The following PXK variants were observed in gnomAD, a reference collection of about 807,000 sequenced individuals.
The protein encoded by PXK is PX domain containing serine/threonine kinase like, also known as PX domain-containing protein kinase-like protein.
Under a neutral mutation model 84.7 loss-of-function variants are expected in PXK, and 35 were observed. That is an observed-to-expected ratio of 0.41 (90% CI 0.32 to 0.55). The LOEUF is 0.55. Ranked by LOEUF, PXK falls within the 20% of genes least tolerant of loss-of-function variation. The pLI, the probability that PXK is intolerant of heterozygous loss-of-function variation, is 0.21. For synonymous variants in PXK, 253 were observed against 260.8 expected (o/e 0.97, Z 0.29); for missense variants, 634 against 699.7 (o/e 0.91, Z 1.06).
intron 17 of PXK, among the ~76,000 whole-genome samples, chr3:58,418,349 T>G (rs1201390046): frequency 6.6e-6 from 1 of 152,152 alleles, no homozygotes; most frequent in Non-Finnish European, 1.5e-5. Context: ...GACACTCTAG[T>G]AGGATTAAGA....
At chr3:58,338,002 T>C (rs1390865303) in intron 1 of PXK, among the ~76,000 whole-genome samples, 3 of 152,238 alleles carry the variant, frequency 2.0e-5, no homozygotes, top group Non-Finnish European at 2.9e-5. Flanking sequence ...CCTTTTAGAA[T>C]GCTACTTGGA....
At position 58,424,947 on chromosome 3, in the gene PXK, C is replaced by T. The variant is rs150517592; in HGVS notation, c.1724C>T (p.Pro575Leu). 7.8e-5 allele frequency: 126 copies of T among 1,613,898 alleles called. No homozygotes were observed. Among genetic ancestry groups the T allele is most frequent in the East Asian group, 6.7e-5 (3 of 44,896 alleles). Residue 575 changes from proline (P) to leucine (L), a missense_variant, in exon 18 of 18, where the codon CCG becomes CTG. By Grantham distance (98) the Pro-to-Leu change is moderately conservative (BLOSUM62 -3). This residue lies in a region of PXK where 273 missense variants were observed against 283.6 expected (regional missense o/e 0.96). Coordinates refer to ENST00000356151, the MANE Select transcript of PXK (RefSeq NM_017771.5). ...RKAKTCDHSAPKIG is the reference protein window; with the variant it reads ...RKAKTCDHSALKIG ...GCCAAAACCTGTGATCACAGTGCTC[C>T]GAAGATCGGCTGAAGCTTCCTGTTT...
At chr3:58,359,593 AT>A (rs1027434920) in intron 1 of PXK, among the ~76,000 whole-genome samples, 7 of 151,986 alleles carry the variant, frequency 4.6e-5, no homozygotes, top group African/African-American at 1.7e-4. Context: ...GCGCAAAGTG[AT>A]TTTTGTGATT....
intron 17 of PXK, chr3:58,420,507 C>A: frequency 6.5e-7 from 1 of 1,535,658 alleles, no homozygotes. Flanking sequence ...TGTGTCCCCC[C>A]TTTCTCTCTC....
Position 58,402,440 on chromosome 3 carries a change from T to C in PXK, c.1182-1422T>C, listed in dbSNP as rs368991820. Among the ~76,000 whole-genome samples, 521 of 151,618 alleles carry C rather than the reference T, an allele frequency of 3.4e-3. 1 individual carries two copies. The highest frequency in any genetic ancestry group is 3.8e-3 in the African/African-American group (159 of 41,400). ...TTGTTTTTTTCTTTTCTTTTCTTTTTTTTTTTTTAGATAGAGTCTTGCTCT... is the reference window on the plus strand; with the variant it reads ...TTGTTTTTTTCTTTTCTTTTCTTTTCTTTTTTTTAGATAGAGTCTTGCTCT... On this transcript the variant is annotated intron_variant, in intron 12 of 17. Transcript: ENST00000356151.
chr3:58,345,571 T>C (rs899567258), intron 1 of PXK, among the ~76,000 whole-genome samples: 1 of 152,218 alleles, frequency 6.6e-6, no homozygotes, highest in African/African-American at 2.4e-5. Context: ...TGCTTGAGCC[T>C]ACATTTAGTC....
At chr3:58,360,324 A>G (rs2098161585) in intron 1 of PXK, among the ~76,000 whole-genome samples, 1 of 152,222 alleles carries the variant, frequency 6.6e-6, no homozygotes, top group Admixed American at 6.5e-5. Context: ...GTCTTTGCCA[A>G]ATAAACAGCA....
intron 13 of PXK, among the ~76,000 whole-genome samples, chr3:58,404,975 C>G (rs9311674): frequency 0.74 from 111,927 of 152,068 alleles, 41,714 homozygotes; most frequent in South Asian, 0.81. Context: ...AGCATCTTAG[C>G]AAATTTCTTC....
At chr3:58,391,252 G>T in intron 6 of PXK, 32 bp downstream of exon 6, 3 of 1,569,390 alleles carry the variant, frequency 1.9e-6, no homozygotes, top group Non-Finnish European at 2.6e-6. Flanking sequence ...GTCTCCTTCA[G>T]TGACTTTAGA....
At chr3:58,350,166 T>C (rs2097896206) in intron 1 of PXK, among the ~76,000 whole-genome samples, 1 of 152,194 alleles carries the variant, frequency 6.6e-6, no homozygotes, top group Non-Finnish European at 1.5e-5. Flanking sequence ...CTTATAAAAA[T>C]GTTCCTTTCG....
Position 58,365,423 on chromosome 3 carries a change from G to A in PXK, c.103-451G>A, listed in dbSNP as rs147548349. Among the ~76,000 whole-genome samples, 91 of 152,216 alleles carry A rather than the reference G, an allele frequency of 6.0e-4. No individual in the cohort carries two copies. The East Asian group carries it at 0.013, about 21-fold the overall frequency. Reference sequence around the variant, plus strand: ...TATGATCTGTATTGGTCTATGGTACGCATGATGACTTGGAAAGAATGTGTA... The same window carrying A: ...TATGATCTGTATTGGTCTATGGTACACATGATGACTTGGAAAGAATGTGTA... On this transcript the variant is annotated intron_variant, in intron 1 of 17. Transcript: ENST00000356151.
chr3:58,351,999 C>A (rs2097937241), intron 1 of PXK, among the ~76,000 whole-genome samples: 1 of 152,188 alleles, frequency 6.6e-6, no homozygotes, highest in Non-Finnish European at 1.5e-5. Context: ...TTCACCATGA[C>A]TCTGAAGGTG....
chr3:58,423,593 C>A, intron 17 of PXK: 1 of 1,519,922 alleles, frequency 6.6e-7, no homozygotes, highest in Non-Finnish European at 8.8e-7. Context: ...CTGAGCCAGT[C>A]GTCCATACAA....
At chr3:58,424,059 G>C (rs28626602) in intron 17 of PXK, among the ~76,000 whole-genome samples, 11,068 of 152,218 alleles carry the variant, frequency 0.073, 520 homozygotes, top group South Asian at 0.1. Flanking sequence ...GGATTTCTCT[G>C]TAAGAATACC....
intron 1 of PXK, among the ~76,000 whole-genome samples, chr3:58,343,026 C>A (rs371241352): frequency 7.2e-5 from 11 of 152,310 alleles, no homozygotes; most frequent in African/African-American, 2.4e-4. Context: ...AGAAATAGGT[C>A]ATTTCTCCTC....
Position 58,391,160 on chromosome 3 carries a change from G to A in PXK, c.480G>A (p.Arg160=). Residue 160 remains arginine (R), a synonymous_variant, in exon 6 of 18, where the codon AGG becomes AGA. Coordinates refer to ENST00000356151, the MANE Select transcript of PXK (RefSeq NM_017771.5). ...CTTTTATGGCAGGTTGGAGAATAAG[G>A]AAGAAATATTTCTTGATGAAGATTA... ...EPLKDIGWRI[R]KKYFLMKIKN... 2 of 1,613,272 alleles carry A rather than the reference G, an allele frequency of 1.2e-6. No homozygotes were observed. Among genetic ancestry groups the A allele is most frequent in the Non-Finnish European group, 1.7e-6 (2 of 1,179,444 alleles).
chr3:58,381,798 T>A (rs994213676), intron 3 of PXK, among the ~76,000 whole-genome samples: 3 of 151,838 alleles, frequency 2.0e-5, no homozygotes, highest in African/African-American at 7.3e-5. Flanking sequence ...AAATGAAAAA[T>A]CAAGCCATGA....
chr3:58,367,232 A>C (rs773711709), intron 2 of PXK, among the ~76,000 whole-genome samples: 22 of 151,968 alleles, frequency 1.4e-4, no homozygotes, highest in Non-Finnish European at 3.2e-4. Flanking sequence ...AAGCATAACA[A>C]ATTTATTTAA....
chr3:58,344,496 A>G (rs1207223409), intron 1 of PXK, among the ~76,000 whole-genome samples: 2 of 152,210 alleles, frequency 1.3e-5, no homozygotes, highest in Non-Finnish European at 2.9e-5. Flanking sequence ...ACCAGGCTGC[A>G]GAGCTGGCTA....
Sources: gnomAD v4.1 joint callset for allele counts (sites outside exome capture counted in the v4.1 genomes callset) on GRCh38, gnomAD v4.1.1 for gene constraint, gnomAD v4.1.1 regional missense constraint, MANE v1.5 for transcripts, NCBI Gene and HGNC (gene_info 2026-07-23, HGNC 2026-07-21) for gene names.